The following KALRN variants were observed in gnomAD, a reference collection of about 807,000 sequenced individuals.
KALRN encodes kalirin.
A neutral mutation model predicts 353.7 loss-of-function variants in KALRN; 70 were observed. The observed-to-expected ratio is 0.20, with a 90% CI of 0.16 to 0.24. The LOEUF is 0.24. Ranked by LOEUF, KALRN falls within the 10% of genes least tolerant of loss-of-function variation. KALRN has a pLI of 1.00. For missense variants in KALRN, 2,791 were observed against 3,756.7 expected, an observed-to-expected ratio of 0.74 and a Z score of 6.72; for synonymous variants, 1,391 against 1,434.8, an observed-to-expected ratio of 0.97 and a Z score of 0.69.
At chr3:124,055,184 A>G (rs1303578021) in intron 1 of KALRN, among the ~76,000 whole-genome samples, 1 of 152,210 alleles carries the variant, frequency 6.6e-6, no homozygotes, top group East Asian at 1.9e-4. Context: ...GTAATGTATC[A>G]CTTTTAGCAG....
At chr3:124,669,786 T>G (rs1439932681) in intron 47 of KALRN, among the ~76,000 whole-genome samples, 1 of 152,204 alleles carries the variant, frequency 6.6e-6, no homozygotes, top group African/African-American at 2.4e-5. Flanking sequence ...TGTTTGCATA[T>G]GACCTGTGTA....
intron 33 of KALRN, chr3:124,518,763 T>G: frequency 7.6e-7 from 1 of 1,318,706 alleles, no homozygotes; most frequent in Non-Finnish European, 9.7e-7. Flanking sequence ...CCAATGTACT[T>G]CCCCCAGATC....
intron 2 of KALRN, among the ~76,000 whole-genome samples, chr3:124,232,849 G>A (rs1268951535): frequency 5.3e-5 from 8 of 151,828 alleles, no homozygotes; most frequent in African/African-American, 1.9e-4. Context: ...TGCTTAGGAA[G>A]TGGAACCAAG....
intron 28 of KALRN, among the ~76,000 whole-genome samples, chr3:124,486,390 G>A (rs894461787): frequency 1.8e-4 from 27 of 152,150 alleles, no homozygotes; most frequent in Non-Finnish European, 3.4e-4. Context: ...GGAAAGGGGT[G>A]GGAGAATCTG....
At chr3:124,661,777 C>G in intron 44 of KALRN, 74 bp from the exon 45 acceptor site, 1 of 1,165,172 alleles carries the variant, frequency 8.6e-7, no homozygotes, top group Non-Finnish European at 1.3e-6. Flanking sequence ...CCCTGTTTTC[C>G]AGCACTGAAT....
Position 124,719,087 on chromosome 3 carries a change from G to C in KALRN, c.8578G>C (p.Gly2860Arg), listed in dbSNP as rs1378621086. ...CATTCAAGGCATCCCCGTCTCCCTG[G>C]GGACAGACATCTGGAGCATCGGGGT... ...EVIQGIPVSLGTDIWSIGVLT... is the reference protein window; with the variant it reads ...EVIQGIPVSLRTDIWSIGVLT... The change falls in exon 60 of 60, where the codon GGG (glycine) becomes CGG (arginine). Residue 2860 changes from glycine to arginine, a missense_variant. Gly to Arg is a moderately radical substitution (Grantham distance 125, BLOSUM62 -2). This residue lies in a region of KALRN where 188 missense variants were observed against 402.9 expected (regional missense o/e 0.47). Transcript: ENST00000682506. The surrounding 1 kb of genome is among the most constrained non-coding windows in gnomAD (Gnocchi z 5.3). The C allele has an allele frequency of 1.2e-5, 20 of 1,614,188 alleles. No individual in the cohort carries two copies. The highest frequency in any genetic ancestry group is 1.7e-5 in the Non-Finnish European group (20 of 1,180,038).
chr3:124,226,000 T>C (rs933953112), intron 1 of KALRN, among the ~76,000 whole-genome samples: 1 of 152,164 alleles, frequency 6.6e-6, no homozygotes, highest in Non-Finnish European at 1.5e-5. Context: ...TAGAAATTAG[T>C]GGAGTGCATG....
intron 37 of KALRN, among the ~76,000 whole-genome samples, chr3:124,646,515 C>T (rs1472532173): frequency 6.6e-5 from 10 of 150,802 alleles, no homozygotes; most frequent in South Asian, 2.1e-4. Flanking sequence ...CTCAGCCTCC[C>T]GAGTAGCTGG....
chr3:124,194,500 G>A (rs2075245778), intron 1 of KALRN, among the ~76,000 whole-genome samples: 1 of 152,122 alleles, frequency 6.6e-6, no homozygotes, highest in Non-Finnish European at 1.5e-5. Flanking sequence ...ATGAAATTCT[G>A]TAGTCAGAAG....
intron 51 of KALRN, among the ~76,000 whole-genome samples, chr3:124,688,416 CCTA>C (rs2061661320): frequency 6.6e-6 from 1 of 151,698 alleles, no homozygotes; most frequent in African/African-American, 2.4e-5. Flanking sequence ...ACCTTCAAAC[CCTA>C]CTATTATACC....
chr3:124,409,296 A>C (rs116066842), intron 13 of KALRN, among the ~76,000 whole-genome samples: 1 of 152,206 alleles, frequency 6.6e-6, no homozygotes, highest in African/African-American at 2.4e-5. Flanking sequence ...TTCAGGCCCT[A>C]GTTTCTAGCC....
intron 48 of KALRN, among the ~76,000 whole-genome samples, 153 bp downstream of exon 48, chr3:124,672,051 C>T (rs144526164): frequency 2.9e-3 from 440 of 152,276 alleles, no homozygotes; most frequent in African/African-American, 9.5e-3. Flanking sequence ...CAGGTTCAAG[C>T]GAATTCTCCT....
At chr3:124,695,229 A>T (rs761411226) in intron 53 of KALRN, among the ~76,000 whole-genome samples, 1 of 148,946 alleles carries the variant, frequency 6.7e-6, no homozygotes, top group Non-Finnish European at 1.5e-5. Context: ...CCTCCCAATC[A>T]TTGTGTCAGC....
chr3:124,412,925 T>G (rs962074975), intron 13 of KALRN, among the ~76,000 whole-genome samples: 2 of 152,214 alleles, frequency 1.3e-5, no homozygotes, highest in Non-Finnish European at 1.5e-5. Context: ...CTTTGGGCCA[T>G]TCACCAGGTT....
chr3:124,457,461 G>C (rs2059432783), intron 23 of KALRN, among the ~76,000 whole-genome samples: 1 of 152,152 alleles, frequency 6.6e-6, no homozygotes, highest in African/African-American at 2.4e-5. Flanking sequence ...TAGCTTTCCT[G>C]CTGCTGGTCC....
At chr3:124,339,475 G>A (rs543387032) in intron 9 of KALRN, among the ~76,000 whole-genome samples, 3 of 152,312 alleles carry the variant, frequency 2.0e-5, no homozygotes, top group East Asian at 1.9e-4. Context: ...AAGAGGGGAC[G>A]CAAAATGAGT....
At chr3:124,543,388 G>A (rs529153250) in intron 33 of KALRN, among the ~76,000 whole-genome samples, 44 of 150,348 alleles carry the variant, frequency 2.9e-4, no homozygotes, top group Non-Finnish European at 5.8e-4. Flanking sequence ...TGCAAGCTCC[G>A]CCTCCCAGGT....
chr3:124,328,632 G>T (rs567877817), intron 7 of KALRN, among the ~76,000 whole-genome samples: 1 of 152,188 alleles, frequency 6.6e-6, no homozygotes, highest in Non-Finnish European at 1.5e-5. Flanking sequence ...GCTTAGAAAT[G>T]GTCTAGTGTG....
rs76271135 is a variant in KALRN, at chr3:124,142,357, C to T, written c.74-85633C>T. On this transcript the variant is annotated intron_variant, in intron 1 of 59. Transcript: ENST00000682506. ...CCAGCCAACACATGGGCTCCTTCAGCTTGAGGGCTGTCTCTATCCCCACAG... is the reference window on the plus strand; with the variant it reads ...CCAGCCAACACATGGGCTCCTTCAGTTTGAGGGCTGTCTCTATCCCCACAG... Among the ~76,000 whole-genome samples, 1,037 of 152,318 alleles carry T rather than the reference C, an allele frequency of 6.8e-3. 6 individuals carry two copies. Among genetic ancestry groups the T allele is most frequent in the Non-Finnish European group, 9.2e-3 (623 of 68,028 alleles).
Sources: allele counts gnomAD v4.1 joint callset (sites outside exome capture counted in the v4.1 genomes callset), GRCh38; gene constraint gnomAD v4.1.1; regional missense constraint gnomAD v4.1.1; non-coding constraint Gnocchi (gnomAD v3.1); transcripts MANE v1.5; gene names NCBI Gene and HGNC (gene_info 2026-07-23, HGNC 2026-07-21).